The following DEDD2 variants were observed in gnomAD, a reference collection of about 807,000 sequenced individuals.
DEDD2 encodes DNA-binding death effector domain-containing protein 2.
Under a neutral mutation model 28.9 loss-of-function variants are expected in DEDD2, and 18 were observed. The ratio of observed to expected loss-of-function variants is 0.62; its 90% CI spans 0.43 to 0.92. The LOEUF is 0.92. Among genes scored for constraint, DEDD2 ranks in the 40% least tolerant of loss-of-function variants. The pLI is 0.00. For synonymous variants in DEDD2, 211 were observed against 206.1 expected (o/e 1.02, Z -0.20); for missense variants, 411 against 463.3 (o/e 0.89, Z 1.04).
chr19:42,216,460 C>G (rs551538574), intron 2 of DEDD2, among the ~76,000 whole-genome samples: 1 of 152,226 alleles, frequency 6.6e-6, no homozygotes, highest in East Asian at 1.9e-4. Context: ...ACAAGCCCTC[C>G]GTAAACAGTG....
intron 3 of DEDD2, among the ~76,000 whole-genome samples, chr19:42,214,371 T>C (rs746481279): frequency 2.6e-5 from 4 of 151,200 alleles, no homozygotes; most frequent in African/African-American, 9.7e-5. Flanking sequence ...GGCAGGAGAA[T>C]TGCTTGAATC....
chr19:42,205,776 T>C (rs967498788), intron 4 of DEDD2, among the ~76,000 whole-genome samples: 5 of 152,036 alleles, frequency 3.3e-5, no homozygotes, highest in African/African-American at 4.8e-5. Flanking sequence ...TCTACTTTGG[T>C]GTATTTTCCA....
At chr19:42,218,146 T>A (rs1782141057), upstream of DEDD2, among the ~76,000 whole-genome samples, 1 of 152,022 alleles carries the variant, frequency 6.6e-6, no homozygotes, top group African/African-American at 2.4e-5. Flanking sequence ...TGGGCACTCC[T>A]CCATTAGATT....
intron 4 of DEDD2, among the ~76,000 whole-genome samples, chr19:42,208,470 G>A (rs992136399): frequency 2.0e-5 from 3 of 152,168 alleles, no homozygotes; most frequent in Non-Finnish European, 4.4e-5. Flanking sequence ...TAGAAGCCCA[G>A]TGCATCCTAA....
In DEDD2 at chr19:42,216,944, C is replaced by G. The variant is rs780377847; in HGVS notation, c.64G>C (p.Gly22Arg). 4 of 1,602,406 alleles carry G rather than the reference C, an allele frequency of 2.5e-6. No homozygotes were observed. The highest frequency in any genetic ancestry group is 3.4e-6 in the Non-Finnish European group (4 of 1,175,058). ...WEEDECLDYY[G>R]MLSLHRMFEV... is the part of the protein sequence containing the mutation. Reference sequence around the variant, plus strand: ...AACATACGGTGAAGCGACAGCATCCCGTAGTAGTCCAGGCACTCATCCTCC... The same window carrying G: ...AACATACGGTGAAGCGACAGCATCCGGTAGTAGTCCAGGCACTCATCCTCC... The change falls in exon 2 of 5, where the codon GGG (glycine) becomes CGG (arginine). Residue 22 changes from glycine (G) to arginine (R), a missense_variant. Transcript: ENST00000596251.
Position 42,209,843 on chromosome 19 carries a change from G to A in DEDD2, c.449-3C>T. ...CTGCCGCTTGGTTGGGGGGGAGCCT[G>A]AGGGGAAAAAAATGGGGCAAGTTGA... On this transcript the variant is annotated splice_region_variant and splice_polypyrimidine_tract_variant and intron_variant, in intron 3 of 4. Coordinates refer to ENST00000596251, the MANE Select transcript of DEDD2 (RefSeq NM_133328.4). 1 of 1,514,252 alleles carries A rather than the reference G, an allele frequency of 6.6e-7. No homozygotes were observed. Among genetic ancestry groups the A allele is most frequent in the Non-Finnish European group, 8.8e-7 (1 of 1,133,000 alleles). The allele number at this position is 1,514,252 out of a possible 1,614,324, so 93.8% of individuals were successfully genotyped here. A position where few individuals can be genotyped will look rare whatever the true frequency, so the allele number is the denominator to read the frequency against.
Position 42,208,638 on chromosome 19 carries a change from C to T in DEDD2, c.589+1062G>A, listed in dbSNP as rs535861868. Among the ~76,000 whole-genome samples, 36 of 152,318 alleles carry T rather than the reference C, an allele frequency of 2.4e-4. No individual in the cohort carries two copies. The South Asian group carries it at 7.1e-3, about 30-fold the overall frequency. ...AAACTGTCATCCCTGCCGTGGCCCG[C>T]GAGGCCAAGCTGCTCCGGCCCCAGC... On this transcript the variant is annotated intron_variant, in intron 4 of 4. Coordinates refer to ENST00000596251, the MANE Select transcript of DEDD2 (RefSeq NM_133328.4).
chr19:42,218,540 C>G (rs543065750), upstream of DEDD2, among the ~76,000 whole-genome samples: 1 of 152,272 alleles, frequency 6.6e-6, no homozygotes, highest in Admixed American at 6.5e-5. Flanking sequence ...TGCGTGTCCC[C>G]TTACCGCGGG....
chr19:42,215,451 AC>A (rs2035929433), intron 2 of DEDD2, among the ~76,000 whole-genome samples, 199 bp from the exon 3 acceptor site: 1 of 152,328 alleles, frequency 6.6e-6, no homozygotes, highest in Non-Finnish European at 1.5e-5. Context: ...GGGCAATCTA[AC>A]CCACGTCTAC....
At chr19:42,210,724 A>G (rs937593023) in intron 3 of DEDD2, among the ~76,000 whole-genome samples, 2 of 152,110 alleles carry the variant, frequency 1.3e-5, no homozygotes, top group Non-Finnish European at 1.5e-5. Context: ...TTTGACTCAT[A>G]TAACTGATTT....
upstream of DEDD2, among the ~76,000 whole-genome samples, chr19:42,219,285 C>G (rs2036086052): frequency 6.7e-6 from 1 of 149,036 alleles, no homozygotes; most frequent in Admixed American, 6.8e-5. Context: ...GTCCGGGCAA[C>G]AATAGCAAAA....
At chr19:42,205,161 G>A (rs924855477) in intron 4 of DEDD2, among the ~76,000 whole-genome samples, 7 of 152,134 alleles carry the variant, frequency 4.6e-5, no homozygotes, top group African/African-American at 1.2e-4. Flanking sequence ...TCCAGTCTTC[G>A]GGAAATGCCA....
rs368473453 is a variant in DEDD2 at position 42,211,427 on chromosome 19, C to CGGAG, written c.449-1591_449-1588dup. Among the ~76,000 whole-genome samples the CGGAG allele has an allele frequency of 3.3e-4, 19 of 57,774 alleles. 1 individual carries two copies. Among genetic ancestry groups the CGGAG allele is most frequent in the South Asian group, 2.7e-3 (5 of 1,846 alleles). The allele number at this position is 57,774 out of a possible 152,430, so 37.9% of individuals were successfully genotyped here. ...AGGAAGGAAGGAAGGGAGAGAGGGA[C>CGGAG]GGAGGGAGGGAGGGAGGGAGGGAAG... On this transcript the variant is annotated intron_variant, in intron 3 of 4. Transcript: ENST00000596251.
chr19:42,205,911 C>T (rs1180208019), intron 4 of DEDD2, among the ~76,000 whole-genome samples: 1 of 151,960 alleles, frequency 6.6e-6, no homozygotes, highest in African/African-American at 2.4e-5. Context: ...GGGCAAGATC[C>T]TGCCTCTAAA....
At chr19:42,206,736 T>A (rs1376120781) in intron 4 of DEDD2, among the ~76,000 whole-genome samples, 2 of 152,206 alleles carry the variant, frequency 1.3e-5, no homozygotes, top group African/African-American at 4.8e-5. Context: ...TGTCTAGTTC[T>A]ATCCCTCAAT....
At chr19:42,210,513 GT>G (rs2035714676) in intron 3 of DEDD2, among the ~76,000 whole-genome samples, 3 of 151,982 alleles carry the variant, frequency 2.0e-5, no homozygotes, top group East Asian at 3.9e-4. Context: ...CCTGCCTCAG[GT>G]TCCCAAGTAA....
rs1448155135 is a variant in DEDD2 at position 42,215,985 on chromosome 19, G to C, written c.328+695C>G. Among the ~76,000 whole-genome samples the C allele has an allele frequency of 2.0e-5, 3 of 152,086 alleles. No homozygotes were observed. The East Asian group carries it at 5.8e-4, about 29-fold the overall frequency. On this transcript the variant is annotated intron_variant, in intron 2 of 4. Coordinates refer to ENST00000596251, the MANE Select transcript of DEDD2 (RefSeq NM_133328.4). ...ACTTCTTACCTCCCTCTCTTCCCTA[G>C]CTTGGGTCCCCTCTGCTCCTGCCAC...
intron 4 of DEDD2, chr19:42,202,194 G>A (rs955293727): frequency 5.0e-6 from 2 of 397,612 alleles, no homozygotes; most frequent in Non-Finnish European, 8.9e-6. Context: ...AACAGGAACT[G>A]TAATTTCGAC....
In DEDD2 at chr19:42,216,923, T is replaced by G. The variant is rs373486854; in HGVS notation, c.85A>C (p.Met29Leu). 5.0e-6 allele frequency: 8 copies of G among 1,600,862 alleles called. No individual in the cohort carries two copies. The highest frequency in any genetic ancestry group is 1.3e-5 in the African/African-American group (1 of 74,412). ...AGTTGCCCGCCCACCACCTCGAACA[T>G]ACGGTGAAGCGACAGCATCCCGTAG... is the stretch of plus-strand genomic sequence containing the variant. ...DYYGMLSLHRMFEVVGGQLTE... is the reference protein window; with the variant it reads ...DYYGMLSLHRLFEVVGGQLTE... Residue 29 changes from methionine (M) to leucine (L), a missense_variant, in exon 2 of 5, where the codon ATG becomes CTG. By Grantham distance (15) the Met-to-Leu change is conservative. Around this residue, in one of 2 missense-constraint regions of DEDD2, gnomAD observed 282 missense variants for 273.4 expected, o/e 1.03. Coordinates refer to ENST00000596251, the MANE Select transcript of DEDD2 (RefSeq NM_133328.4).
Sources: gnomAD v4.1 joint callset for allele counts (sites outside exome capture counted in the v4.1 genomes callset) on GRCh38, gnomAD v4.1.1 for gene constraint, gnomAD v4.1.1 regional missense constraint, MANE v1.5 for transcripts, NCBI Gene and HGNC (gene_info 2026-07-23, HGNC 2026-07-21) for gene names.